Variants in PTK2 observed in about 807,000 individuals in gnomAD.
The protein encoded by PTK2 is focal adhesion kinase 1.
Under a neutral mutation model 150.1 loss-of-function variants are expected in PTK2, and 45 were observed. The ratio of observed to expected loss-of-function variants is 0.30; its 90% confidence interval spans 0.24 to 0.38. The LOEUF is 0.38. Among genes scored for constraint, PTK2 ranks in the 10% least tolerant of loss-of-function variants. The pLI is 1.00. For synonymous variants in PTK2, 432 were observed against 449.2 expected (o/e 0.96, Z 0.48); for missense variants, 919 against 1,307.3 (o/e 0.70, Z 4.58).
At position 140,769,585 on chromosome 8, in the gene PTK2, A is replaced by C. The variant is rs1414935837; in HGVS notation, c.1178-5295T>G. ...GAAAATAAATATTACCGTCCCCACT[A>C]ATTTCATCTGCAGATCCGGGTGGCA... On this transcript the variant is annotated intron_variant, in intron 14 of 31. Transcript: ENST00000522684. 2.9e-6 allele frequency: 4 copies of C among 1,362,558 alleles called. No individual in the cohort carries two copies. In the Admixed American group the frequency reaches 7.6e-5, roughly 26 times the overall value. 84.4% of individuals were successfully genotyped at this position (1,362,558 alleles called of 1,614,324 possible).
At chr8:140,686,001 T>C (rs1374585986) in intron 27 of PTK2, among the ~76,000 whole-genome samples, 4 of 152,166 alleles carry the variant, frequency 2.6e-5, no homozygotes, top group Non-Finnish European at 4.4e-5. Flanking sequence ...CCATCAATGA[T>C]AGACTGGATA....
At chr8:140,838,773 G>A (rs1466379884) in intron 7 of PTK2, among the ~76,000 whole-genome samples, 7 of 152,122 alleles carry the variant, frequency 4.6e-5, no homozygotes, top group African/African-American at 1.7e-4. Context: ...TTGGGAGGCC[G>A]AGGCGGGCGG....
chr8:140,689,089 T>G (rs2100021638), intron 26 of PTK2, among the ~76,000 whole-genome samples: 1 of 150,792 alleles, frequency 6.6e-6, no homozygotes, highest in African/African-American at 2.5e-5. Context: ...TAGACATGAA[T>G]AGACAGAAAG....
intron 1 of PTK2, among the ~76,000 whole-genome samples, chr8:140,952,807 C>T (rs964160657): frequency 5.3e-5 from 8 of 152,138 alleles, no homozygotes; most frequent in African/African-American, 1.9e-4. Flanking sequence ...AGTAGGATTA[C>T]CCTCAATTGT....
In PTK2 at chr8:140,679,003, G is replaced by GTTTTTTTTT. The variant is rs533089786; in HGVS notation, c.2563-3513_2563-3505dup. Among the ~76,000 whole-genome samples, 34 of 69,008 alleles carry GTTTTTTTTT rather than the reference G, an allele frequency of 4.9e-4. 2 individuals carry two copies. Among genetic ancestry groups the GTTTTTTTTT allele is most frequent in the East Asian group, 1.4e-3 (3 of 2,156 alleles). The allele number at this position is 69,008 out of a possible 152,430, so 45.3% of individuals were successfully genotyped here. A position where few individuals can be genotyped will look rare whatever the true frequency, so the allele number is the denominator to read the frequency against. On this transcript the variant is annotated intron_variant, in intron 27 of 31. Transcript: ENST00000522684. ...TCACGGCCAGCTGAGTGCTCCCCAT[G>GTTTTTTTTT]TTTTTTTTTTTTTTTTTTTTTTTTT...
chr8:140,735,238 C>T lies in PTK2; in HGVS notation c.2030+13G>A, dbSNP rs777288837. The T allele has an allele frequency of 8.7e-6, 14 of 1,612,128 alleles. No individual in the cohort carries two copies. The highest frequency in any genetic ancestry group is 1.7e-4 in the Middle Eastern group (1 of 5,960). ...GCCCCCACCCCCAGGCCCTCTCTCC[C>T]GCCAACTCCTACCTGAGCTGAGCTT... On this transcript the variant is annotated intron_variant, in intron 22 of 31. Coordinates refer to ENST00000522684, the Ensembl canonical transcript of PTK2.
chr8:140,679,314 C>T (rs2100015778), intron 27 of PTK2, among the ~76,000 whole-genome samples: 2 of 151,946 alleles, frequency 1.3e-5, no homozygotes. Context: ...CGTGAGCCAC[C>T]GCGCCTGGCC....
intron 23 of PTK2, among the ~76,000 whole-genome samples, chr8:140,708,446 C>T (rs150779043): frequency 1.3e-5 from 2 of 152,158 alleles, no homozygotes; most frequent in African/African-American, 4.8e-5. Context: ...AACATATGTC[C>T]TCTGCTCTCC....
intron 7 of PTK2, among the ~76,000 whole-genome samples, chr8:140,841,441 A>G (rs1474751000): frequency 6.6e-6 from 1 of 152,206 alleles, no homozygotes; most frequent in Non-Finnish European, 1.5e-5. Context: ...ATTTAAAAAG[A>G]AAATATTTTT....
intron 14 of PTK2, among the ~76,000 whole-genome samples, chr8:140,779,045 G>C (rs1374478604): frequency 6.6e-6 from 1 of 151,992 alleles, no homozygotes; most frequent in Non-Finnish European, 1.5e-5. Flanking sequence ...CAGATCACTT[G>C]AGGTCAGGAG....
chr8:140,824,580 A>G (rs2100110760), intron 8 of PTK2, among the ~76,000 whole-genome samples: 1 of 152,218 alleles, frequency 6.6e-6, no homozygotes, highest in African/African-American at 2.4e-5. Context: ...TGAGTTCCAA[A>G]CCTATGGTGT....
chr8:140,878,126 C>T (rs559885451), intron 4 of PTK2, among the ~76,000 whole-genome samples: 16 of 152,170 alleles, frequency 1.1e-4, no homozygotes, highest in Non-Finnish European at 1.6e-4. Context: ...TTGGAATGCT[C>T]ACTTGCTTAA....
intron 26 of PTK2, among the ~76,000 whole-genome samples, chr8:140,695,722 T>C (rs1403144568): frequency 2.0e-5 from 3 of 152,152 alleles, no homozygotes; most frequent in Non-Finnish European, 2.9e-5. Context: ...CTTTCTGAGA[T>C]GCCATCTGCT....
chr8:140,863,625 T>C (rs58081397), intron 5 of PTK2, among the ~76,000 whole-genome samples: 36,185 of 152,152 alleles, frequency 0.24, 4,871 homozygotes, highest in Admixed American at 0.36. Flanking sequence ...TGGAGCCATC[T>C]CAATACCAAA....
intron 1 of PTK2, among the ~76,000 whole-genome samples, chr8:140,951,079 G>A (rs111760165): frequency 3.9e-5 from 6 of 151,934 alleles, no homozygotes; most frequent in African/African-American, 7.3e-5. Context: ...TCACAAATAC[G>A]AGATTTTGCA....
chr8:140,774,637 C>T (rs1305135282), intron 14 of PTK2, among the ~76,000 whole-genome samples: 2 of 152,122 alleles, frequency 1.3e-5, no homozygotes, highest in African/African-American at 4.8e-5. Context: ...AATTCTAAGT[C>T]ACAGGATGAG....
intron 16 of PTK2, among the ~76,000 whole-genome samples, chr8:140,758,929 T>C (rs2100067535): frequency 6.6e-6 from 1 of 152,178 alleles, no homozygotes; most frequent in Non-Finnish European, 1.5e-5. Context: ...TTTTTCTATA[T>C]TTAGATATGC....
exon 31 of PTK2, chr8:140,664,976 T>A (rs1177884464): frequency 6.2e-7 from 1 of 1,613,540 alleles, no homozygotes. Context: ...GCCAATAATG[T>A]CCTCAGGGCC....
At chr8:140,684,307 C>T (rs183639875) in intron 27 of PTK2, among the ~76,000 whole-genome samples, 15 of 152,348 alleles carry the variant, frequency 9.8e-5, no homozygotes, top group Admixed American at 2.6e-4. Context: ...ATCTAGATCT[C>T]TCACATGCGC....
Sources: gnomAD v4.1 joint callset for allele counts (sites outside exome capture counted in the v4.1 genomes callset) on GRCh38, gnomAD v4.1.1 for gene constraint, MANE v1.5 for transcripts, NCBI Gene and HGNC (gene_info 2026-07-23, HGNC 2026-07-21) for gene names.